Variants in SEMA3F observed in about 807,000 individuals in gnomAD.
SEMA3F encodes semaphorin-3F.
SEMA3F carries 30 observed loss-of-function variants against 98.5 expected under a neutral mutation model. The observed-to-expected ratio is 0.30, with a 90% CI of 0.23 to 0.41. SEMA3F has a LOEUF of 0.41. Among genes scored for constraint, SEMA3F ranks in the 10% least tolerant of loss-of-function variants. The probability of loss-of-function intolerance (pLI) is 1.00; values close to 1 mark genes in which losing one functional copy is unlikely to be tolerated. For synonymous variants in SEMA3F, 380 were observed against 444.8 expected (o/e 0.85, Z 1.83); for missense variants, 866 against 1,119.3 (o/e 0.77, Z 3.23).
intron 12 of SEMA3F, 72 bp downstream of exon 12, chr3:50,183,636 A>T: frequency 6.5e-7 from 1 of 1,526,900 alleles, no homozygotes; most frequent in Non-Finnish European, 9.0e-7. Context: ...GCTCTTTGCA[A>T]CATGGGCCCC....
chr3:50,176,480 C>T (rs866856096), intron 6 of SEMA3F, among the ~76,000 whole-genome samples: 1 of 152,200 alleles, frequency 6.6e-6, no homozygotes, highest in Admixed American at 6.5e-5. Context: ...CCCTACAAGC[C>T]CACTCCATGT....
chr3:50,183,076 G>A (rs986840888), intron 10 of SEMA3F, 58 bp downstream of exon 10: 16 of 1,579,418 alleles, frequency 1.0e-5, no homozygotes, highest in East Asian at 6.7e-5. Flanking sequence ...ATAGAGGCGG[G>A]ATGGGCGATC....
Position 50,166,755 on chromosome 3 carries a change from G to A in SEMA3F, c.112+7021G>A, listed in dbSNP as rs2109070509. On this transcript the variant is annotated intron_variant, in intron 2 of 18. Transcript: ENST00000002829. This position sits in a 1 kb window ranked among gnomAD's most constrained non-coding sequence, Gnocchi z 4.7. Reference sequence around the variant, plus strand: ...AGGGGGAGGGTTTTGACACCCACCAGCCTGTTGGTCCCATCTTGGCCTGTC... The same window carrying A: ...AGGGGGAGGGTTTTGACACCCACCAACCTGTTGGTCCCATCTTGGCCTGTC... Among the ~76,000 whole-genome samples, 1 of 152,326 alleles carries A rather than the reference G, an allele frequency of 6.6e-6. No homozygotes were observed. The highest frequency in any genetic ancestry group is 1.9e-4 in the East Asian group (1 of 5,186).
chr3:50,187,438 A>AAT (rs1379610697), intron 18 of SEMA3F, among the ~76,000 whole-genome samples: 12 of 152,122 alleles, frequency 7.9e-5, no homozygotes, highest in African/African-American at 2.4e-4. Context: ...AAAAAAAAAA[A>AAT]AAAAAAAAGG....
intron 2 of SEMA3F, among the ~76,000 whole-genome samples, chr3:50,167,612 G>A (rs963689595): frequency 2.0e-5 from 3 of 151,650 alleles, no homozygotes; most frequent in African/African-American, 7.3e-5. Flanking sequence ...GTACAGTGGC[G>A]TTTTGGCCCA....
rs1214270453 is a variant in SEMA3F at position 50,186,271 on chromosome 3, C to T, written c.1746-10C>T. On this transcript the variant is annotated splice_polypyrimidine_tract_variant and intron_variant, in intron 16 of 18. Coordinates refer to ENST00000002829, the MANE Select transcript of SEMA3F (RefSeq NM_004186.5). ...CTGGGAGCACTCCTTCAGGGGCTAT[C>T]CTCATCCAGGCGGAGCCGCCGGCAG... The T allele has an allele frequency of 3.1e-6, 5 of 1,613,276 alleles. No homozygotes were observed. Among genetic ancestry groups the T allele is most frequent in the Non-Finnish European group, 3.4e-6 (4 of 1,179,814 alleles).
chr3:50,174,623 A>G (rs1477884185), intron 5 of SEMA3F, among the ~76,000 whole-genome samples: 2 of 152,264 alleles, frequency 1.3e-5, no homozygotes, highest in Non-Finnish European at 2.9e-5. Context: ...CACTTGCTCC[A>G]TATGTGGCAA....
intron 2 of SEMA3F, among the ~76,000 whole-genome samples, chr3:50,169,787 G>GC (rs2109077804): frequency 6.6e-6 from 1 of 152,318 alleles, no homozygotes; most frequent in Admixed American, 6.5e-5. Flanking sequence ...ATCAGCCCTG[G>GC]CCCCCACTGA....
Position 50,175,183 on chromosome 3 carries a change from C to G in SEMA3F, c.544C>G (p.Arg182Gly), listed in dbSNP as rs764661400. The G allele has an allele frequency of 6.3e-7, 1 of 1,590,680 alleles. No homozygotes were observed. The highest frequency in any genetic ancestry group is 1.7e-5 in the Admixed American group (1 of 57,832). ...GALRPMPTAP[R>G]QDYIFYLEPE... ...CCTCCGCCCGATGCCCACAGCCCCA[C>G]GCCAGGTGGGCCTCATCCCTCCAGG... The change falls in exon 6 of 19, where the codon CGC becomes GGC. Residue 182 changes from arginine (R) to glycine (G), a missense_variant. Physicochemically the swap from Arg to Gly is moderately radical, Grantham distance 125. Coordinates refer to ENST00000002829, the MANE Select transcript of SEMA3F (RefSeq NM_004186.5).
intron 12 of SEMA3F, 118 bp downstream of exon 12, chr3:50,183,682 G>A: frequency 9.1e-7 from 1 of 1,096,434 alleles, no homozygotes; most frequent in Non-Finnish European, 1.3e-6. Flanking sequence ...GAGGCGGTGA[G>A]CTGTAATGCA....
In SEMA3F at chr3:50,182,416, C is replaced by G. The variant is rs772392135; in HGVS notation, c.763+13C>G. ...CGGTGGCTGAACGGTAAGCGCAGCC[C>G]CAGGAGCCCTTCCGTGGCCATGTGT... On this transcript the variant is annotated intron_variant, in intron 8 of 18. Coordinates refer to ENST00000002829, the MANE Select transcript of SEMA3F (RefSeq NM_004186.5). The surrounding 1 kb of genome is among the most constrained non-coding windows in gnomAD (Gnocchi z 4.5). The G allele has an allele frequency of 1.2e-6, 2 of 1,613,190 alleles. No homozygotes were observed. The highest frequency in any genetic ancestry group is 1.7e-6 in the Non-Finnish European group (2 of 1,180,008).
intron 1 of SEMA3F, among the ~76,000 whole-genome samples, chr3:50,157,293 G>A (rs1208910664): frequency 6.6e-6 from 1 of 151,872 alleles, no homozygotes; most frequent in Non-Finnish European, 1.5e-5. Flanking sequence ...TGCCAGCCCC[G>A]GCTCCTCGTT....
intron 2 of SEMA3F, among the ~76,000 whole-genome samples, chr3:50,171,733 C>A (rs909561338): frequency 8.5e-5 from 13 of 152,130 alleles, no homozygotes; most frequent in African/African-American, 3.1e-4. Flanking sequence ...AGCGGCCAGG[C>A]GGGGGACTCC....
At position 50,186,107 on chromosome 3, in the gene SEMA3F, T is replaced by C. The variant is rs77798063; in HGVS notation, c.1745+61T>C. 1.6e-3 allele frequency: 2,445 copies of C among 1,539,254 alleles called. 26 individuals are homozygous for C. The East Asian group carries it at 0.016, about 10-fold the overall frequency. The stretch of plus-strand genomic sequence containing the variant: ...AGTCCCAGGGCCCTATCCTAGGGGA[T>C]TGGGGGTGCATGTGATATTACCCGG... On this transcript the variant is annotated intron_variant, in intron 16 of 18. Coordinates refer to ENST00000002829, the MANE Select transcript of SEMA3F (RefSeq NM_004186.5).
In SEMA3F at chr3:50,175,906, A is replaced by G. The variant is rs529066644; in HGVS notation, c.549+718A>G. 2.6e-5 allele frequency among the ~76,000 whole-genome samples: 4 copies of G among 152,210 alleles called. No homozygotes were observed. In the South Asian group the frequency reaches 8.3e-4, roughly 32 times the overall value. On this transcript the variant is annotated intron_variant, in intron 6 of 18. Coordinates refer to ENST00000002829, the MANE Select transcript of SEMA3F (RefSeq NM_004186.5). ...TGTGTGTGCAGGAAGTCACGTGTGC[A>G]GTGTGTAGCTGGAAGTAGGCCTGTG... is the stretch of plus-strand genomic sequence containing the variant.
intron 7 of SEMA3F, among the ~76,000 whole-genome samples, chr3:50,179,024 C>T (rs921628150): frequency 6.6e-6 from 1 of 151,634 alleles, no homozygotes; most frequent in Non-Finnish European, 1.5e-5. Context: ...GGGGTTTCAC[C>T]GTGTTAGCCA....
chr3:50,159,931 T>C (rs1199472473), intron 2 of SEMA3F, among the ~76,000 whole-genome samples, 197 bp downstream of exon 2: 1 of 152,164 alleles, frequency 6.6e-6, no homozygotes, highest in Non-Finnish European at 1.5e-5. Flanking sequence ...ATTTAGACAC[T>C]TAGCAAAAGA....
chr3:50,186,854 A>C, intron 18 of SEMA3F, 108 bp downstream of exon 18: 1 of 1,171,680 alleles, frequency 8.5e-7, no homozygotes, highest in East Asian at 2.8e-5. Context: ...AACCCCTTCC[A>C]AGCTCCCTTC....
chr3:50,172,987 G>A (rs1698669527), intron 2 of SEMA3F, among the ~76,000 whole-genome samples: 1 of 152,228 alleles, frequency 6.6e-6, no homozygotes, highest in African/African-American at 2.4e-5. Context: ...TGATGCTGTT[G>A]CGTACCCTGG....
Sources: gnomAD v4.1 joint callset for allele counts (sites outside exome capture counted in the v4.1 genomes callset) on GRCh38, gnomAD v4.1.1 for gene constraint, Gnocchi (gnomAD v3.1) non-coding constraint, MANE v1.5 for transcripts, NCBI Gene and HGNC (gene_info 2026-07-23, HGNC 2026-07-21) for gene names.